CDH23: variants seen among roughly 807,000 people sequenced by gnomAD.
CDH23 encodes cadherin-23.
A neutral mutation model predicts 317.1 loss-of-function variants in CDH23; 189 were observed. The ratio of observed to expected loss-of-function variants is 0.60; its 90% CI spans 0.53 to 0.67. The LOEUF is 0.67. CDH23 is among the 30% of genes least tolerant of loss of function. The pLI is 0.00. For missense variants in CDH23, 4,401 were observed against 4,592.4 expected, an observed-to-expected ratio of 0.96 and a Z score of 1.20; for synonymous variants, 1,839 against 1,876.8, an observed-to-expected ratio of 0.98 and a Z score of 0.52.
At chr10:71,671,585 G>A (rs925650005) in intron 14 of CDH23, among the ~76,000 whole-genome samples, 1 of 152,176 alleles carries the variant, frequency 6.6e-6, no homozygotes, top group African/African-American at 2.4e-5. Flanking sequence ...TTGGGAGGAG[G>A]TTGTTTAAAC....
intron 69 of CDH23, among the ~76,000 whole-genome samples, chr10:71,814,607 C>CA (rs1321572566): frequency 1.3e-5 from 2 of 152,060 alleles, no homozygotes; most frequent in African/African-American, 4.8e-5. Context: ...TGCAGTGAGC[C>CA]AAAATCGCGC....
rs759981467 is a variant in CDH23 at position 71,741,831 on chromosome 10, CGCCACACG to C, written c.4759_4766del (p.Thr1587CysfsTer4). ...GCATGGACCGCATCAGCGGTGAGATCGCCACACGGCCTGCCCCGCCTGACCGCGAGCGC... is the reference window on the plus strand; with the variant it reads ...GCATGGACCGCATCAGCGGTGAGATCGCCTGCCCCGCCTGACCGCGAGCGC... On this transcript the variant is annotated frameshift_variant, in exon 38 of 70. Transcript: ENST00000224721. LOFTEE classifies it high-confidence loss of function. 85 of 1,611,382 alleles carry C rather than the reference CGCCACACG, an allele frequency of 5.3e-5. No homozygotes were observed. The highest frequency in any genetic ancestry group is 7.1e-5 in the Non-Finnish European group (84 of 1,179,014).
chr10:71,709,124 G>C lies in CDH23; in HGVS notation c.3133G>C (p.Val1045Leu). ...TGGCAACGTGGATGGGAAGTTCAGCGTGGGTTACCGCGATGCCGTTGTGAG... is the reference window on the plus strand; with the variant it reads ...TGGCAACGTGGATGGGAAGTTCAGCCTGGGTTACCGCGATGCCGTTGTGAG... ...TGGNVDGKFSVGYRDAVVRTV... is the reference protein window; with the variant it reads ...TGGNVDGKFSLGYRDAVVRTV... The change falls in exon 27 of 70, where the codon GTG (valine) becomes CTG (leucine). Residue 1045 changes from valine to leucine, a missense_variant. By Grantham distance (32) the Val-to-Leu change is conservative. Transcript: ENST00000224721. 6.2e-7 allele frequency: 1 copy of C among 1,613,942 alleles called. No homozygotes were observed. Among genetic ancestry groups the C allele is most frequent in the East Asian group, 2.2e-5 (1 of 44,886 alleles).
At chr10:71,802,102 G>A (rs548434179) in intron 53 of CDH23, among the ~76,000 whole-genome samples, 105 of 152,346 alleles carry the variant, frequency 6.9e-4, no homozygotes, top group Admixed American at 1.4e-3. Flanking sequence ...GAGGTTAGGA[G>A]TTCAAGACCA....
intron 11 of CDH23, among the ~76,000 whole-genome samples, chr10:71,628,328 A>T (rs1213112653): frequency 3.9e-5 from 6 of 152,182 alleles, no homozygotes; most frequent in African/African-American, 1.4e-4. Context: ...TAGTGCAGGG[A>T]TGGGGCTGGG....
chr10:71,562,199 A>G (rs1466239708), intron 6 of CDH23, among the ~76,000 whole-genome samples: 1 of 151,168 alleles, frequency 6.6e-6, no homozygotes, highest in Non-Finnish European at 1.5e-5. Flanking sequence ...CCTTGTCCTC[A>G]GATGGCAAAG....
At chr10:71,501,024 C>T (rs1258716619) in intron 3 of CDH23, among the ~76,000 whole-genome samples, 1 of 151,870 alleles carries the variant, frequency 6.6e-6, no homozygotes, top group African/African-American at 2.4e-5. Flanking sequence ...TGTGACACCA[C>T]CCCCAGCTAA....
At chr10:71,713,237 G>T (rs925360586) in intron 28 of CDH23, 4 of 779,180 alleles carry the variant, frequency 5.1e-6, no homozygotes, top group Non-Finnish European at 7.2e-6. Context: ...GAAGTAAACA[G>T]GCACAAGAAG....
rs57638774 is a variant in CDH23 at position 71,736,630 on chromosome 10, C to T, written c.4210-1868C>T. Among the ~76,000 whole-genome samples the T allele has an allele frequency of 1.5e-3, 226 of 152,282 alleles. 8 individuals are homozygous for T. In the East Asian group the frequency reaches 0.04, roughly 27 times the overall value. On this transcript the variant is annotated intron_variant, in intron 34 of 69. Coordinates refer to ENST00000224721, the MANE Select transcript of CDH23 (RefSeq NM_022124.6). ...TCCTTCCTCACCCACTGAGGCCAACCCCCTTCCACTGGGAAGTCCAGCAGC... is the reference window on the plus strand; with the variant it reads ...TCCTTCCTCACCCACTGAGGCCAACTCCCTTCCACTGGGAAGTCCAGCAGC...
At chr10:71,779,221 A>C in intron 40 of CDH23, 46 bp from the exon 41 acceptor site, 1 of 1,587,288 alleles carries the variant, frequency 6.3e-7, no homozygotes, top group Non-Finnish European at 8.6e-7. Context: ...GCCCAGCACA[A>C]AGCTGGCTGG....
intron 1 of CDH23, among the ~76,000 whole-genome samples, chr10:71,401,146 T>G (rs750170671): frequency 6.6e-6 from 1 of 152,200 alleles, no homozygotes; most frequent in Non-Finnish European, 1.5e-5. Flanking sequence ...TGGGTTCTTC[T>G]GTATTCCAGC....
intron 44 of CDH23, 146 bp from the exon 45 acceptor site, chr10:71,788,794 T>C: frequency 1.6e-6 from 1 of 613,764 alleles, no homozygotes; most frequent in Non-Finnish European, 3.0e-6. Context: ...ATGTCTTCTT[T>C]TGAAAAATGT....
intron 6 of CDH23, among the ~76,000 whole-genome samples, chr10:71,558,460 T>C (rs1258923359): frequency 6.6e-6 from 1 of 152,224 alleles, no homozygotes; most frequent in African/African-American, 2.4e-5. Flanking sequence ...AGTTTTTAAA[T>C]TTCTACTGGG....
chr10:71,646,540 CCCAT>C lies in CDH23; in HGVS notation c.1374_1377del (p.Ile459SerfsTer21). 2.5e-6 allele frequency: 4 copies of C among 1,614,016 alleles called. No individual in the cohort carries two copies. Among genetic ancestry groups the C allele is most frequent in the Non-Finnish European group, 3.4e-6 (4 of 1,179,896 alleles). The stretch of plus-strand genomic sequence containing the variant: ...TCTCATCAATGAAAATGACAACCGG[CCCAT>C]CTTCAGCCAGCCACTGTACAACATC... On this transcript the variant is annotated frameshift_variant, in exon 14 of 70. Transcript: ENST00000224721. LOFTEE classifies it high-confidence loss of function.
In CDH23 at chr10:71,777,753, A is replaced by T; in HGVS notation, c.4919A>T (p.Glu1640Val). ...NAPMFQQPHY[E>V]VLLDEGPDTL... ...CCCATGTTCCAGCAGCCCCACTATG[A>T]GGTGCTGCTGGATGAGGGCCCAGAC... Residue 1640 changes from glutamate (E) to valine (V), a missense_variant, in exon 39 of 70, where the codon GAG becomes GTG. Coordinates refer to ENST00000224721, the MANE Select transcript of CDH23 (RefSeq NM_022124.6). The T allele has an allele frequency of 1.2e-6, 2 of 1,613,718 alleles. No homozygotes were observed. Among genetic ancestry groups the T allele is most frequent in the South Asian group, 2.2e-5 (2 of 91,054 alleles).
chr10:71,736,522 G>A (rs1337544515), intron 34 of CDH23, among the ~76,000 whole-genome samples: 1 of 152,164 alleles, frequency 6.6e-6, no homozygotes, highest in Non-Finnish European at 1.5e-5. Context: ...CCTTCAGGGG[G>A]TAGGGGAGGG....
intron 17 of CDH23, among the ~76,000 whole-genome samples, chr10:71,680,810 C>CTTTTTTTTTT (rs562449159): frequency 9.9e-6 from 1 of 100,556 alleles, no homozygotes; most frequent in Non-Finnish European, 1.8e-5. Context: ...CTCTGTCTTT[C>CTTTTTTTTTT]TTTTTTTTTT....
rs1435815511 is a variant in CDH23 at position 71,577,979 on chromosome 10, C to T, written c.819C>T (p.Tyr273=). ...AAGGACGTCCCCGGGGCATTGGCTA[C>T]ACCATCGTTTCAGGTAAGACAGAAG... is the stretch of plus-strand genomic sequence containing the variant. ...QDKGRPRGIG[Y]TIVSGNTNSI... The change falls in exon 9 of 70, where the codon TAC becomes TAT. Residue 273 remains tyrosine, a synonymous_variant. Coordinates refer to ENST00000224721, the MANE Select transcript of CDH23 (RefSeq NM_022124.6). 2 of 1,600,792 alleles carry T rather than the reference C, an allele frequency of 1.2e-6. No homozygotes were observed. Among genetic ancestry groups the T allele is most frequent in the African/African-American group, 1.3e-5 (1 of 74,714 alleles).
chr10:71,667,392 G>GTATGTGTGTA (rs1554853124), intron 14 of CDH23, among the ~76,000 whole-genome samples: 1 of 101,844 alleles, frequency 9.8e-6, no homozygotes, highest in African/African-American at 3.2e-5. Flanking sequence ...GTGTGTGTGT[G>GTATGTGTGTA]TGTGCGCGTG....
Sources: gnomAD v4.1 joint callset for allele counts (sites outside exome capture counted in the v4.1 genomes callset) on GRCh38, gnomAD v4.1.1 for gene constraint, MANE v1.5 for transcripts, NCBI Gene and HGNC (gene_info 2026-07-23, HGNC 2026-07-21) for gene names.